Variants in B4GALT4 observed in about 807,000 individuals in gnomAD.
B4GALT4 encodes beta-1,4-galactosyltransferase 4, also known as N-acetyllactosamine synthase.
In B4GALT4, 27 loss-of-function variants were observed where a neutral mutation model predicts 37.3. That is an observed-to-expected ratio of 0.72 (90% CI 0.53 to 1.00). B4GALT4 has a LOEUF of 1.00. Ranked by LOEUF, B4GALT4 falls within the 50% of genes least tolerant of loss-of-function variation. B4GALT4 has a pLI of 0.00. For missense variants in B4GALT4, 372 were observed against 413.1 expected (o/e 0.90, Z 0.86); for synonymous variants, 148 against 154.1 (o/e 0.96, Z 0.29).
Position 119,224,195 on chromosome 3 carries a change from T to A in B4GALT4, c.537A>T (p.Leu179=), listed in dbSNP as rs2078531738. The change falls in exon 5 of 8, where the codon CTA becomes CTT. Residue 179 remains leucine, a synonymous_variant. Coordinates refer to ENST00000393765, the MANE Select transcript of B4GALT4 (RefSeq NM_003778.4). ...NRAKLLNVGY[L]EALKEENWDC... ...CCCAATTTTCTTCCTTGAGGGCTTCTAGATAGCCCACATTCAAGAGTTTGG... is the reference window on the plus strand; with the variant it reads ...CCCAATTTTCTTCCTTGAGGGCTTCAAGATAGCCCACATTCAAGAGTTTGG... 1 of 1,613,608 alleles carries A rather than the reference T, an allele frequency of 6.2e-7. No homozygotes were observed. Among genetic ancestry groups the A allele is most frequent in the Admixed American group, 1.7e-5 (1 of 59,864 alleles).
chr3:119,238,385 G>A (rs1480633249), intron 1 of B4GALT4, among the ~76,000 whole-genome samples: 1 of 151,716 alleles, frequency 6.6e-6, no homozygotes, highest in Non-Finnish European at 1.5e-5. Context: ...TACAGTATTA[G>A]GAGAAAACTT....
chr3:119,229,783 T>C (rs755536437), intron 3 of B4GALT4, 64 bp downstream of exon 3: 14 of 1,541,584 alleles, frequency 9.1e-6, no homozygotes, highest in Non-Finnish European at 1.1e-5. Context: ...TACAGGCAAG[T>C]ACATATTATA....
At chr3:119,239,409 CTGATGGCTTAAAACAAAGAATA>C (rs1170493477) in intron 1 of B4GALT4, among the ~76,000 whole-genome samples, 2 of 151,940 alleles carry the variant, frequency 1.3e-5, no homozygotes, top group Admixed American at 6.6e-5. Flanking sequence ...CCACTGTTCA[CTGATGGCTTAAAACAAAGAATA>C]GAAAACCATC....
chr3:119,240,092 A>C (rs1390885664), intron 1 of B4GALT4: 2 of 151,510 alleles, frequency 1.3e-5, no homozygotes, highest in Non-Finnish European at 2.9e-5. Context: ...GAGGTCTACC[A>C]GTACCCTCAC....
Position 119,223,735 on chromosome 3 carries a change from AC to A in B4GALT4, c.674+322del, listed in dbSNP as rs577588774. On this transcript the variant is annotated intron_variant, in intron 5 of 7. Transcript: ENST00000393765. Reference sequence around the variant, plus strand: ...GGAGTCAGGAATAGACAAACAAGTTACTTGCATTCTAGTCAGTGTGGGAAAG... The same window carrying A: ...GGAGTCAGGAATAGACAAACAAGTTATTGCATTCTAGTCAGTGTGGGAAAG... Among the ~76,000 whole-genome samples the A allele has an allele frequency of 2.5e-3, 377 of 152,318 alleles. 9 individuals are homozygous for A. Among genetic ancestry groups the A allele is most frequent in the Admixed American group, 0.025 (376 of 15,302 alleles).
intron 2 of B4GALT4, among the ~76,000 whole-genome samples, chr3:119,231,963 AT>A (rs1559933103): frequency 2.0e-5 from 3 of 151,728 alleles, no homozygotes; most frequent in African/African-American, 7.2e-5. Context: ...AACAAAGTGA[AT>A]TTTTTTAATG....
intron 7 of B4GALT4, chr3:119,214,739 T>C (rs1166587359): frequency 1.3e-5 from 2 of 152,222 alleles, no homozygotes; most frequent in Admixed American, 6.5e-5. Flanking sequence ...AAGTACTTTG[T>C]AGAAAAATCT....
At chr3:119,220,167 T>C (rs1312825155) in intron 5 of B4GALT4, among the ~76,000 whole-genome samples, 2 of 152,114 alleles carry the variant, frequency 1.3e-5, no homozygotes, top group Non-Finnish European at 2.9e-5. Context: ...TTGCAGCCTA[T>C]AATAAAACAA....
chr3:119,218,156 A>G (rs1264623509), intron 6 of B4GALT4, among the ~76,000 whole-genome samples: 1 of 152,172 alleles, frequency 6.6e-6, no homozygotes, highest in Admixed American at 6.5e-5. Context: ...GGCCACCTGC[A>G]GTCTCCACAG....
intron 3 of B4GALT4, among the ~76,000 whole-genome samples, chr3:119,229,031 A>G (rs1029874220): frequency 3.3e-5 from 5 of 152,256 alleles, no homozygotes; most frequent in African/African-American, 1.2e-4. Flanking sequence ...GGCAAGACAT[A>G]AAAGGTGAAC....
At chr3:119,228,020 G>A (rs1016203991) in intron 3 of B4GALT4, among the ~76,000 whole-genome samples, 9 of 152,164 alleles carry the variant, frequency 5.9e-5, no homozygotes. Context: ...GGGTCTACAT[G>A]CAAGACACAG....
At chr3:119,222,603 TAAAG>T (rs1221159059) in intron 5 of B4GALT4, among the ~76,000 whole-genome samples, 1 of 152,200 alleles carries the variant, frequency 6.6e-6, no homozygotes, top group Non-Finnish European at 1.5e-5. Context: ...CATATCAGAC[TAAAG>T]AAGGCCTGCG....
intron 5 of B4GALT4, among the ~76,000 whole-genome samples, chr3:119,220,985 CAA>C (rs371366842): frequency 3.2e-4 from 35 of 108,174 alleles, no homozygotes; most frequent in Admixed American, 6.8e-4. Flanking sequence ...GACTCTGTCT[CAA>C]AAAAAAAAAA....
rs769564100 is a variant in B4GALT4, at chr3:119,216,251, C to G, written c.891G>C (p.Val297=). 6 of 1,612,370 alleles carry G rather than the reference C, an allele frequency of 3.7e-6. No individual in the cohort carries two copies. The highest frequency in any genetic ancestry group is 8.5e-7 in the Non-Finnish European group (1 of 1,179,098). The change falls in exon 7 of 8, where the codon GTG becomes GTC. Residue 297 remains valine, a synonymous_variant. Transcript: ENST00000393765. ...AAGCCAGGACTTACCGTTCTGCGTT[C>G]ACCTCATTGCCTTTGTCTCTAGTGT... ...VFHTRDKGNE[V]NAERMKLLHQ... is the part of the protein sequence containing the mutation.
intron 7 of B4GALT4, chr3:119,216,017 G>A: frequency 3.2e-6 from 1 of 307,858 alleles, no homozygotes; most frequent in Non-Finnish European, 5.9e-6. Flanking sequence ...ATCCAGTGGG[G>A]TAAGAAAAAA....
At chr3:119,239,745 C>T (rs1282876751) in intron 1 of B4GALT4, among the ~76,000 whole-genome samples, 2 of 152,170 alleles carry the variant, frequency 1.3e-5, no homozygotes, top group African/African-American at 2.4e-5. Context: ...ATTGCAATTT[C>T]ATGGGGTTTA....
intron 6 of B4GALT4, among the ~76,000 whole-genome samples, chr3:119,216,823 A>G (rs1001892547): frequency 2.6e-5 from 4 of 152,320 alleles, no homozygotes; most frequent in East Asian, 1.9e-4. Context: ...GTTATTTACA[A>G]CCTCAGTAAG....
intron 3 of B4GALT4, among the ~76,000 whole-genome samples, chr3:119,229,281 G>C (rs2078733683): frequency 6.6e-6 from 1 of 152,210 alleles, no homozygotes; most frequent in South Asian, 2.1e-4. Context: ...ATGGGGCAGA[G>C]CCACCAGCCT....
rs989514994 is a variant in B4GALT4, at chr3:119,230,183, C to T, written c.-84G>A. 30 of 1,527,084 alleles carry T rather than the reference C, an allele frequency of 2.0e-5. No individual in the cohort carries two copies. The Admixed American group carries it at 2.4e-4, about 12-fold the overall frequency. The allele number at this position is 1,527,084 out of a possible 1,614,324, so 94.6% of individuals were successfully genotyped here. On this transcript the variant is annotated 5_prime_UTR_variant, in exon 3 of 8. Transcript: ENST00000393765. ...AAGTTGAGCTTTTCCAATCTGATTG[C>T]GAACTTGATGACAACTGAAGATACA...
Sources: gnomAD v4.1 joint callset for allele counts (sites outside exome capture counted in the v4.1 genomes callset) on GRCh38, gnomAD v4.1.1 for gene constraint, MANE v1.5 for transcripts, NCBI Gene and HGNC (gene_info 2026-07-23, HGNC 2026-07-21) for gene names.